LRP1B: variants seen among roughly 807,000 people sequenced by gnomAD.
LRP1B encodes LDL receptor related protein 1B.
A neutral mutation model predicts 556.6 loss-of-function variants in LRP1B; 217 were observed. That is an observed-to-expected ratio of 0.39 (90% CI 0.35 to 0.44). The LOEUF is 0.44. LRP1B is among the 20% of genes least tolerant of loss of function. LRP1B has a pLI of 1.00. For missense variants in LRP1B, 5,053 were observed against 5,620.8 expected (o/e 0.90, Z 3.23); for synonymous variants, 2,047 against 1,865.8 (o/e 1.10, Z -2.50).
At chr2:141,447,328 GT>G (rs1174788801) in intron 3 of LRP1B, among the ~76,000 whole-genome samples, 1 of 151,838 alleles carries the variant, frequency 6.6e-6, no homozygotes, top group Non-Finnish European at 1.5e-5. Context: ...TTTTTTCAAA[GT>G]TCTTAGCTTC....
chr2:140,685,470 CT>C (rs1177389681), intron 41 of LRP1B, among the ~76,000 whole-genome samples: 1 of 152,120 alleles, frequency 6.6e-6, no homozygotes, highest in Non-Finnish European at 1.5e-5. Flanking sequence ...AATAATTTGC[CT>C]AAAGACACAG....
intron 43 of LRP1B, among the ~76,000 whole-genome samples, chr2:140,571,982 A>C (rs1401754970): frequency 6.6e-6 from 1 of 151,772 alleles, no homozygotes; most frequent in Admixed American, 6.6e-5. Context: ...CTCATCATAT[A>C]AAAAAATTCA....
chr2:140,689,546 C>G (rs114725612), intron 41 of LRP1B, among the ~76,000 whole-genome samples: 1 of 152,144 alleles, frequency 6.6e-6, no homozygotes, highest in Non-Finnish European at 1.5e-5. Context: ...ACAGAAATAA[C>G]TCTGGTCAAG....
chr2:141,185,687 C>CAAAAAAAAAAAAAA (rs111914547), intron 7 of LRP1B, among the ~76,000 whole-genome samples: 3 of 132,178 alleles, frequency 2.3e-5, no homozygotes, highest in Non-Finnish European at 3.1e-5. Flanking sequence ...AACAAACAAA[C>CAAAAAAAAAAAAAA]AAAAAAAAAC....
At chr2:141,532,023 T>C (rs527546065) in intron 2 of LRP1B, among the ~76,000 whole-genome samples, 2 of 152,300 alleles carry the variant, frequency 1.3e-5, no homozygotes, top group South Asian at 4.1e-4. Flanking sequence ...CAGTACAGTA[T>C]ATTGACTAAC....
chr2:141,607,468 C>T (rs1253200218), intron 2 of LRP1B, among the ~76,000 whole-genome samples: 4 of 152,108 alleles, frequency 2.6e-5, no homozygotes, highest in Admixed American at 6.5e-5. Context: ...AGATGCATTC[C>T]TATTTTCTTA....
chr2:141,391,087 A>C (rs1396629269), intron 3 of LRP1B, among the ~76,000 whole-genome samples: 1 of 152,156 alleles, frequency 6.6e-6, no homozygotes, highest in African/African-American at 2.4e-5. Context: ...GAGGGGAGGG[A>C]ATAAATCTTT....
chr2:141,540,339 G>A (rs17617302), intron 2 of LRP1B, among the ~76,000 whole-genome samples: 51,498 of 151,500 alleles, frequency 0.34, 9,725 homozygotes, highest in Non-Finnish European at 0.43. Flanking sequence ...CATATTGACC[G>A]ACAGATACAA....
chr2:140,418,173 A>G (rs1685279674), intron 66 of LRP1B, among the ~76,000 whole-genome samples: 1 of 152,216 alleles, frequency 6.6e-6, no homozygotes, highest in Non-Finnish European at 1.5e-5. Flanking sequence ...ATTCAAAGCC[A>G]AACTGTAATT....
At chr2:140,340,578 A>C (rs1414980192) in intron 77 of LRP1B, among the ~76,000 whole-genome samples, 1 of 151,584 alleles carries the variant, frequency 6.6e-6, no homozygotes, top group Non-Finnish European at 1.5e-5. Context: ...CAATTTAAAC[A>C]TGCATAACAT....
At chr2:141,800,346 A>G (rs1286858392) in intron 2 of LRP1B, among the ~76,000 whole-genome samples, 1 of 152,226 alleles carries the variant, frequency 6.6e-6, no homozygotes, top group Non-Finnish European at 1.5e-5. Flanking sequence ...CTATCACTTA[A>G]TTACTTTAAG....
At position 140,356,198 on chromosome 2, in the gene LRP1B, T is replaced by C. The variant is rs145736204; in HGVS notation, c.11530+144A>G. ...AAACAAGCTCTTGACCCCAGAGACTTTCATTCTCATAAGTGAAATGGTATC... is the reference window on the plus strand; with the variant it reads ...AAACAAGCTCTTGACCCCAGAGACTCTCATTCTCATAAGTGAAATGGTATC... On this transcript the variant is annotated intron_variant, in intron 75 of 90. Coordinates refer to ENST00000389484, the MANE Select transcript of LRP1B (RefSeq NM_018557.3). 1.9e-4 allele frequency: 159 copies of C among 824,112 alleles called. No individual in the cohort carries two copies. The African/African-American group carries it at 2.5e-3, about 13-fold the overall frequency. 51.0% of individuals were successfully genotyped at this position (824,112 alleles called of 1,614,324 possible).
chr2:140,496,902 T>A (rs1214508892), intron 55 of LRP1B, among the ~76,000 whole-genome samples: 1 of 147,546 alleles, frequency 6.8e-6, no homozygotes, highest in South Asian at 2.1e-4. Flanking sequence ...AATTTATTTA[T>A]TTATTTATTT....
intron 32 of LRP1B, among the ~76,000 whole-genome samples, chr2:140,790,545 T>G (rs1273862924): frequency 6.6e-6 from 1 of 152,044 alleles, no homozygotes; most frequent in East Asian, 1.9e-4. Context: ...ACATTGAGTT[T>G]CAGCAGTAAA....
intron 3 of LRP1B, among the ~76,000 whole-genome samples, chr2:141,395,019 A>T (rs1233430072): frequency 6.6e-6 from 1 of 152,140 alleles, no homozygotes; most frequent in East Asian, 1.9e-4. Flanking sequence ...TTAGTCAATG[A>T]TGGACTGCAT....
In LRP1B at chr2:141,490,316, T is replaced by C. The variant is rs147702205; in HGVS notation, c.206-9783A>G. ...ACAATGGATGTCTAGTTAACATCCT[T>C]TTACTGAAGGGTTTTAGATCACGTC... On this transcript the variant is annotated intron_variant, in intron 2 of 90. Transcript: ENST00000389484. Among the ~76,000 whole-genome samples the C allele has an allele frequency of 6.7e-3, 1,018 of 151,696 alleles. 8 individuals carry two copies. Among genetic ancestry groups the C allele is most frequent in the African/African-American group, 0.023 (960 of 41,492 alleles).
chr2:141,803,061 G>A (rs554862698), intron 2 of LRP1B, among the ~76,000 whole-genome samples: 4 of 151,924 alleles, frequency 2.6e-5, no homozygotes, highest in Non-Finnish European at 2.9e-5. Flanking sequence ...AGCCCCGCCT[G>A]AGGGACATGT....
intron 82 of LRP1B, among the ~76,000 whole-genome samples, chr2:140,317,938 A>G (rs1174420717): frequency 1.3e-5 from 2 of 152,116 alleles, no homozygotes; most frequent in Non-Finnish European, 2.9e-5. Context: ...AATGAAAAAG[A>G]AAGCTGCTTT....
intron 7 of LRP1B, among the ~76,000 whole-genome samples, chr2:141,153,961 T>C (rs1702002926): frequency 6.6e-6 from 1 of 151,774 alleles, no homozygotes; most frequent in African/African-American, 2.4e-5. Flanking sequence ...GTCCCATCAG[T>C]CTTCCTCTCT....
Sources: allele counts gnomAD v4.1 joint callset (sites outside exome capture counted in the v4.1 genomes callset), GRCh38; gene constraint gnomAD v4.1.1; transcripts MANE v1.5; gene names NCBI Gene and HGNC (gene_info 2026-07-23, HGNC 2026-07-21).